Variants in DTWD2 observed in about 807,000 individuals in gnomAD.
DTWD2 encodes DTW motif tRNA-uridine aminocarboxypropyltransferase 2.
Under a neutral mutation model 31.8 loss-of-function variants are expected in DTWD2, and 39 were observed. That is an observed-to-expected ratio of 1.22 (90% CI 0.95 to 1.60). The LOEUF (loss-of-function observed/expected upper bound fraction) is 1.60, where lower values mean the gene tolerates loss of function less well. Among genes scored for constraint, DTWD2 ranks in the 40% most tolerant of loss-of-function variants. The pLI, the probability that DTWD2 is intolerant of heterozygous loss-of-function variation, is 0.00. For synonymous variants in DTWD2, 180 were observed against 142.8 expected (o/e 1.26, Z -1.86); for missense variants, 515 against 381.5 (o/e 1.35, Z -2.92).
chr5:118,941,161 T>C (rs947943042), intron 2 of DTWD2, among the ~76,000 whole-genome samples: 10 of 151,910 alleles, frequency 6.6e-5, no homozygotes, highest in Admixed American at 4.6e-4. Context: ...TAGCAAATCC[T>C]TTTTTCTTTT....
intron 1 of DTWD2, among the ~76,000 whole-genome samples, chr5:118,957,889 G>C (rs1016954374): frequency 1.3e-4 from 20 of 152,060 alleles, no homozygotes; most frequent in African/African-American, 4.3e-4. Context: ...CATTTTTAAA[G>C]ACTTTATCTC....
intron 4 of DTWD2, among the ~76,000 whole-genome samples, chr5:118,851,926 A>G (rs1051034232): frequency 6.6e-5 from 10 of 152,092 alleles, no homozygotes; most frequent in African/African-American, 2.4e-4. Flanking sequence ...GGTTTTCCCA[A>G]TCCTAGTAAG....
intron 1 of DTWD2, among the ~76,000 whole-genome samples, chr5:118,973,062 A>T (rs1305634655): frequency 1.1e-4 from 17 of 149,042 alleles, no homozygotes. Context: ...TTTATCAGAA[A>T]CTAGGATTGC....
At position 118,879,406 on chromosome 5, in the gene DTWD2, T is replaced by A. The variant is rs540453557; in HGVS notation, c.598-31188A>T. 5.1e-4 allele frequency among the ~76,000 whole-genome samples: 77 copies of A among 151,154 alleles called. 1 individual carries two copies. The highest frequency in any genetic ancestry group is 1.1e-3 in the Non-Finnish European group (72 of 67,722). On this transcript the variant is annotated intron_variant, in intron 4 of 5. Transcript: ENST00000510708. ...GCCTTTGACTTTGGGAGGTCAAGAG[T>A]TCGAGAGCAGCCTGGCCAGCACGGT...
At chr5:118,876,318 A>C (rs890017568) in intron 4 of DTWD2, among the ~76,000 whole-genome samples, 48 of 152,160 alleles carry the variant, frequency 3.2e-4, no homozygotes, top group Non-Finnish European at 5.9e-5. Flanking sequence ...GAGCAAACAA[A>C]TTCCAAAGCC....
chr5:118,967,931 C>A (rs116782966), intron 1 of DTWD2, among the ~76,000 whole-genome samples: 5,936 of 152,178 alleles, frequency 0.039, 185 homozygotes, highest in Middle Eastern at 0.078. Flanking sequence ...ACAAAGGGAA[C>A]AGGAGTAACT....
At chr5:118,847,371 G>C (rs1026546060) in intron 5 of DTWD2, among the ~76,000 whole-genome samples, 1 of 152,032 alleles carries the variant, frequency 6.6e-6, no homozygotes, top group Admixed American at 6.6e-5. Flanking sequence ...TTCTTCATGA[G>C]TTGTATTTAT....
intron 3 of DTWD2, among the ~76,000 whole-genome samples, chr5:118,934,745 A>G (rs1207375875): frequency 6.6e-6 from 1 of 152,220 alleles, no homozygotes; most frequent in Non-Finnish European, 1.5e-5. Context: ...AACTACATCC[A>G]GGAAAATGAA....
chr5:118,843,052 G>A (rs1240002944), intron 5 of DTWD2, among the ~76,000 whole-genome samples: 1 of 149,976 alleles, frequency 6.7e-6, no homozygotes, highest in Non-Finnish European at 1.5e-5. Flanking sequence ...CGCCTCCTGG[G>A]TTCAAGTGAT....
chr5:118,982,608 C>T (rs903089236), intron 1 of DTWD2, among the ~76,000 whole-genome samples: 1 of 151,222 alleles, frequency 6.6e-6, no homozygotes, highest in Non-Finnish European at 1.5e-5. Context: ...AAAAATTAAA[C>T]TTCAGAATAC....
chr5:118,899,799 CTTT>C (rs1163738328), intron 4 of DTWD2, among the ~76,000 whole-genome samples: 1 of 124,902 alleles, frequency 8.0e-6, no homozygotes, highest in Non-Finnish European at 1.7e-5. Flanking sequence ...TTCGTTTTTT[CTTT>C]TTTTTTTTTT....
intron 4 of DTWD2, among the ~76,000 whole-genome samples, chr5:118,899,647 C>T (rs1010649511): frequency 6.6e-6 from 1 of 152,088 alleles, no homozygotes; most frequent in Non-Finnish European, 1.5e-5. Context: ...AAAATATAAC[C>T]AGAATCCACA....
intron 4 of DTWD2, among the ~76,000 whole-genome samples, chr5:118,871,116 T>C (rs556207033): frequency 6.6e-6 from 1 of 152,202 alleles, no homozygotes; most frequent in Non-Finnish European, 1.5e-5. Context: ...ACTATGTTCT[T>C]TGCTCATTCA....
At chr5:118,937,227 T>A (rs1266375228) in intron 3 of DTWD2, among the ~76,000 whole-genome samples, 1 of 152,190 alleles carries the variant, frequency 6.6e-6, no homozygotes, top group African/African-American at 2.4e-5. Context: ...ATCATTTTAA[T>A]AGATGCATTT....
At chr5:118,895,198 TCAG>T in intron 4 of DTWD2, among the ~76,000 whole-genome samples, 1 of 152,036 alleles carries the variant, frequency 6.6e-6, no homozygotes, top group East Asian at 1.9e-4. Context: ...GCAAAAATGA[TCAG>T]CATTTCCATA....
intron 3 of DTWD2, 81 bp from the exon 4 acceptor site, chr5:118,928,810 A>G (rs1211302243): frequency 1.7e-6 from 2 of 1,196,678 alleles, no homozygotes; most frequent in Non-Finnish European, 2.3e-6. Context: ...TTTCCTAATA[A>G]AAGTTTCCCT....
chr5:118,888,095 A>C (rs1001189796), intron 4 of DTWD2, among the ~76,000 whole-genome samples: 32 of 152,222 alleles, frequency 2.1e-4, no homozygotes, highest in African/African-American at 7.0e-4. Context: ...GTACTTTACT[A>C]AAGTAAAATT....
intron 4 of DTWD2, among the ~76,000 whole-genome samples, chr5:118,927,554 GA>G (rs1430929672): frequency 4.0e-5 from 6 of 151,668 alleles, no homozygotes; most frequent in African/African-American, 9.7e-5. Context: ...TTAAAAACAA[GA>G]AAAAAATGCA....
chr5:118,973,814 G>A, intron 1 of DTWD2: 1 of 1,612,326 alleles, frequency 6.2e-7, no homozygotes, highest in Non-Finnish European at 8.5e-7. Context: ...CGCAGCCGTA[G>A]ACACCAGCTC....
Sources: gnomAD v4.1 joint callset for allele counts (sites outside exome capture counted in the v4.1 genomes callset) on GRCh38, gnomAD v4.1.1 for gene constraint, MANE v1.5 for transcripts, NCBI Gene and HGNC (gene_info 2026-07-23, HGNC 2026-07-21) for gene names.